The following DNAH8 variants were observed in gnomAD, a reference collection of about 807,000 sequenced individuals.
The protein encoded by DNAH8 is dynein axonemal heavy chain 8, also known as axonemal beta dynein heavy chain 8.
In DNAH8, 382 loss-of-function variants were observed where a neutral mutation model predicts 562.1. That is an observed-to-expected ratio of 0.68 (90% CI 0.63 to 0.74). The LOEUF is 0.74. DNAH8 is among the 30% of genes least tolerant of loss of function. The pLI is 0.00. For synonymous variants in DNAH8, 1,881 were observed against 1,919.4 expected, an observed-to-expected ratio of 0.98 and a Z score of 0.52; for missense variants, 5,203 against 5,620.4, an observed-to-expected ratio of 0.93 and a Z score of 2.37.
chr6:39,005,839 C>T (rs191128821), intron 88 of DNAH8, among the ~76,000 whole-genome samples: 242 of 152,328 alleles, frequency 1.6e-3, no homozygotes, highest in Admixed American at 5.4e-3. Flanking sequence ...ATAATCTGCT[C>T]TTTCTCTCTG....
chr6:38,917,863 A>G (rs964854325), intron 69 of DNAH8, 62 bp from the exon 70 acceptor site: 62 of 1,267,506 alleles, frequency 4.9e-5, no homozygotes, highest in Non-Finnish European at 6.5e-5. Context: ...TTAGAAGTAC[A>G]TATTAACTCA....
chr6:38,771,926 A>G lies in DNAH8; in HGVS notation c.1764+1367A>G, dbSNP rs186054888. Among the ~76,000 whole-genome samples the G allele has an allele frequency of 3.9e-5, 6 of 152,130 alleles. 1 individual carries two copies. The highest frequency in any genetic ancestry group is 3.3e-4 in the Admixed American group (5 of 15,270). On this transcript the variant is annotated intron_variant, in intron 12 of 92. Transcript: ENST00000327475. ...TGTGCAGAAGTAGAATTGCTAGGTC[A>G]TATGGCAAATCCATGTTTAACTTTT...
chr6:38,993,100 A>G lies in DNAH8; in HGVS notation c.13214+2928A>G, dbSNP rs564289955. ...AAAAACATCATGAGTTAATACAAATAACTCCAATTCCAGTTGTATACCTCA... is the reference window on the plus strand; with the variant it reads ...AAAAACATCATGAGTTAATACAAATGACTCCAATTCCAGTTGTATACCTCA... On this transcript the variant is annotated intron_variant, in intron 88 of 92. Transcript: ENST00000327475. Among the ~76,000 whole-genome samples the G allele has an allele frequency of 2.6e-5, 4 of 152,346 alleles. No individual in the cohort carries two copies. The East Asian group carries it at 7.7e-4, about 29-fold the overall frequency.
chr6:38,850,597 G>T (rs1287957650), intron 38 of DNAH8, among the ~76,000 whole-genome samples, 183 bp downstream of exon 38: 1 of 152,142 alleles, frequency 6.6e-6, no homozygotes, highest in Non-Finnish European at 1.5e-5. Flanking sequence ...GGTGGTTAAG[G>T]CATTGTATTA....
At chr6:38,851,111 A>C (rs1775706047) in intron 38 of DNAH8, among the ~76,000 whole-genome samples, 1 of 152,300 alleles carries the variant, frequency 6.6e-6, no homozygotes, top group Middle Eastern at 3.4e-3. Flanking sequence ...TGGTGTCAGG[A>C]TAATTTTTTT....
intron 82 of DNAH8, among the ~76,000 whole-genome samples, chr6:38,952,699 G>A (rs1762001790): frequency 1.3e-5 from 2 of 152,036 alleles, no homozygotes; most frequent in South Asian, 4.2e-4. Flanking sequence ...TTCTCATCTT[G>A]ACTTCACTCT....
At chr6:38,899,503 C>T (rs1779923055) in intron 61 of DNAH8, among the ~76,000 whole-genome samples, 1 of 152,234 alleles carries the variant, frequency 6.6e-6, no homozygotes, top group Admixed American at 6.5e-5. Context: ...CGTGCACACG[C>T]ATGAACACAC....
chr6:39,025,722 C>T (rs770712043), intron 91 of DNAH8, among the ~76,000 whole-genome samples: 8 of 152,092 alleles, frequency 5.3e-5, no homozygotes, highest in African/African-American at 1.4e-4. Flanking sequence ...CTAGGAGTAG[C>T]GGGAACACAC....
At chr6:38,816,204 A>G (rs1772257434) in intron 26 of DNAH8, among the ~76,000 whole-genome samples, 2 of 152,124 alleles carry the variant, frequency 1.3e-5, no homozygotes, top group African/African-American at 4.8e-5. Context: ...AGCATGCATT[A>G]GCTATTTTTC....
At chr6:38,979,882 A>G (rs1202798509) in intron 85 of DNAH8, among the ~76,000 whole-genome samples, 2 of 152,252 alleles carry the variant, frequency 1.3e-5, no homozygotes, top group African/African-American at 2.4e-5. Context: ...AACTAATGGT[A>G]TAAATTCTGA....
At chr6:38,846,186 A>G (rs975929551) in intron 36 of DNAH8, among the ~76,000 whole-genome samples, 1 of 152,126 alleles carries the variant, frequency 6.6e-6, no homozygotes, top group African/African-American at 2.4e-5. Context: ...AGAGCAATCT[A>G]CCACTACAGC....
At chr6:38,830,583 C>T (rs931280871) in intron 30 of DNAH8, among the ~76,000 whole-genome samples, 2 of 144,102 alleles carry the variant, frequency 1.4e-5, no homozygotes, top group African/African-American at 5.2e-5. Context: ...TCCAGTGAGC[C>T]GAGATCGCGC....
At chr6:38,752,324 C>T (rs955314011) in intron 9 of DNAH8, among the ~76,000 whole-genome samples, 18 of 151,230 alleles carry the variant, frequency 1.2e-4, no homozygotes, top group Admixed American at 3.3e-4. Flanking sequence ...CCACCATGCC[C>T]GGCTAATTTT....
chr6:38,974,277 A>G (rs1763532995), intron 84 of DNAH8, 97 bp from the exon 85 acceptor site: 1 of 995,802 alleles, frequency 1.0e-6, no homozygotes, highest in African/African-American at 1.6e-5. Flanking sequence ...AGTCCCAAGC[A>G]TTTCAGATAA....
rs111694384 is a variant in DNAH8 at position 38,870,087 on chromosome 6, A to T, written c.6829-314A>T. 0.041 allele frequency among the ~76,000 whole-genome samples: 6,260 copies of T among 152,196 alleles called. 341 individuals are homozygous for T. The highest frequency in any genetic ancestry group is 0.28 in the East Asian group (1,427 of 5,162). On this transcript the variant is annotated intron_variant, in intron 48 of 92. Transcript: ENST00000327475. ...GAACTCCCGTTTACAAAACCATCAG[A>T]TCTTGTGAGACTTATTCACTATCAT...
intron 85 of DNAH8, among the ~76,000 whole-genome samples, chr6:38,980,449 G>T (rs1185045656): frequency 6.6e-6 from 1 of 152,174 alleles, no homozygotes; most frequent in East Asian, 1.9e-4. Flanking sequence ...TCCCTTCCAG[G>T]CTATGGCCTC....
intron 8 of DNAH8, among the ~76,000 whole-genome samples, chr6:38,745,892 G>T (rs563338032): frequency 1.3e-5 from 2 of 152,176 alleles, no homozygotes; most frequent in African/African-American, 2.4e-5. Context: ...TTCCCAGTAC[G>T]ACTTACCAGG....
At chr6:38,786,540 C>T (rs1027168769) in intron 17 of DNAH8, among the ~76,000 whole-genome samples, 1 of 152,224 alleles carries the variant, frequency 6.6e-6, no homozygotes, top group African/African-American at 2.4e-5. Flanking sequence ...CAATGTTTCT[C>T]TCCCTGGATC....
intron 52 of DNAH8, 135 bp from the exon 53 acceptor site, chr6:38,875,456 C>T (rs984435308): frequency 1.1e-4 from 60 of 561,824 alleles, no homozygotes; most frequent in Middle Eastern, 4.7e-4. Flanking sequence ...GGCTGTAGGA[C>T]GGTGATCAAG....
Sources: gnomAD v4.1 joint callset for allele counts (sites outside exome capture counted in the v4.1 genomes callset) on GRCh38, gnomAD v4.1.1 for gene constraint, MANE v1.5 for transcripts, NCBI Gene and HGNC (gene_info 2026-07-23, HGNC 2026-07-21) for gene names.